FBXL2: variants seen among roughly 807,000 people sequenced by gnomAD.
The protein encoded by FBXL2 is F-box/LRR-repeat protein 2.
In FBXL2, 38 loss-of-function variants were observed where a neutral mutation model predicts 69.2. The observed-to-expected ratio is 0.55, with a 90% CI of 0.42 to 0.72. The LOEUF (loss-of-function observed/expected upper bound fraction) is 0.72. Among genes scored for constraint, FBXL2 ranks in the 30% least tolerant of loss-of-function variants. FBXL2 has a pLI of 0.00. For synonymous variants in FBXL2, 192 were observed against 201.3 expected (o/e 0.95, Z 0.39); for missense variants, 354 against 520.3 (o/e 0.68, Z 3.11).
At chr3:33,366,110 C>A (rs2041937712) in intron 5 of FBXL2, among the ~76,000 whole-genome samples, 1 of 152,122 alleles carries the variant, frequency 6.6e-6, no homozygotes, top group South Asian at 2.1e-4. Context: ...GAAGAAAATT[C>A]TTTAAATCAT....
chr3:33,408,584 G>T, downstream of FBXL2: 1 of 778,642 alleles, frequency 1.3e-6, no homozygotes, highest in Non-Finnish European at 2.0e-6. Context: ...ATCAAGACAT[G>T]GACATCAAAA....
intron 1 of FBXL2, among the ~76,000 whole-genome samples, chr3:33,291,920 T>C (rs970748645): frequency 2.0e-5 from 3 of 152,222 alleles, no homozygotes; most frequent in Non-Finnish European, 2.9e-5. Flanking sequence ...AACTATGTGC[T>C]GTCTTTATGA....
chr3:33,392,776 G>A (rs1428743065), downstream of FBXL2: 9 of 632,470 alleles, frequency 1.4e-5, no homozygotes, highest in Non-Finnish European at 2.1e-5. Flanking sequence ...CACACGTGCT[G>A]CACTGCCTTG....
chr3:33,285,570 G>C (rs1376140608), intron 1 of FBXL2, among the ~76,000 whole-genome samples: 1 of 152,114 alleles, frequency 6.6e-6, no homozygotes, highest in Non-Finnish European at 1.5e-5. Context: ...TGTATTTCCT[G>C]AATTTGAATG....
the FBXL2 span, among the ~76,000 whole-genome samples, chr3:33,417,479 AT>A: frequency 1.3e-5 from 2 of 152,216 alleles, no homozygotes; most frequent in African/African-American, 4.8e-5. Context: ...TTATTGCCAA[AT>A]AATATTCATT....
chr3:33,384,223 C>A, intron 14 of FBXL2, 22 bp downstream of exon 14: 1 of 1,605,450 alleles, frequency 6.2e-7, no homozygotes, highest in South Asian at 1.1e-5. Flanking sequence ...GCAGGGGAGT[C>A]AGTCACACCT....
chr3:33,280,730 A>AG (rs1168787733), intron 1 of FBXL2, among the ~76,000 whole-genome samples: 6 of 151,526 alleles, frequency 4.0e-5, no homozygotes, highest in South Asian at 2.1e-4. Context: ...AAAAAAAAAA[A>AG]AAAGAAAAGA....
At chr3:33,358,715 G>C (rs1313010605) in intron 2 of FBXL2, among the ~76,000 whole-genome samples, 2 of 152,166 alleles carry the variant, frequency 1.3e-5, no homozygotes, top group Non-Finnish European at 2.9e-5. Flanking sequence ...CCATTACTTA[G>C]AACAAGGGAA....
intron 13 of FBXL2, chr3:33,382,925 T>C (rs900759492): frequency 2.6e-5 from 4 of 152,250 alleles, no homozygotes; most frequent in African/African-American, 9.7e-5. Context: ...CCACCTATTA[T>C]ATGTTGACCT....
At chr3:33,327,088 T>C (rs1426694641) in intron 2 of FBXL2, among the ~76,000 whole-genome samples, 2 of 152,214 alleles carry the variant, frequency 1.3e-5, no homozygotes, top group East Asian at 3.8e-4. Flanking sequence ...ATGTGTACCA[T>C]ATATTCTGTC....
the FBXL2 span, among the ~76,000 whole-genome samples, chr3:33,413,627 T>C: frequency 6.6e-6 from 1 of 151,442 alleles, no homozygotes; most frequent in African/African-American, 2.4e-5. Context: ...GCCCGCTGCC[T>C]TGAAAAAGTG....
At chr3:33,282,543 T>G (rs1204739176) in intron 1 of FBXL2, among the ~76,000 whole-genome samples, 7 of 152,270 alleles carry the variant, frequency 4.6e-5, no homozygotes, top group Non-Finnish European at 7.3e-5. Context: ...CTTTTTTGGT[T>G]CCATATAAAC....
At chr3:33,280,682 C>A (rs1186313344) in intron 1 of FBXL2, among the ~76,000 whole-genome samples, 1 of 141,442 alleles carries the variant, frequency 7.1e-6, no homozygotes, top group Non-Finnish European at 1.5e-5. Flanking sequence ...CACTGCCCTC[C>A]AGTCTGGGCA....
chr3:33,314,896 T>A (rs1354797003), intron 2 of FBXL2, among the ~76,000 whole-genome samples: 1 of 152,196 alleles, frequency 6.6e-6, no homozygotes, highest in African/African-American at 2.4e-5. Context: ...CATTAATTTT[T>A]AAAAAATGTC....
intron 12 of FBXL2, chr3:33,393,565 G>A: frequency 9.9e-7 from 1 of 1,007,872 alleles, no homozygotes; most frequent in Non-Finnish European, 1.3e-6. Flanking sequence ...TACCAAAAAA[G>A]TAAAAAAACA....
At chr3:33,357,527 G>C (rs910233570) in intron 2 of FBXL2, among the ~76,000 whole-genome samples, 6 of 127,040 alleles carry the variant, frequency 4.7e-5, no homozygotes, top group African/African-American at 1.2e-4. Flanking sequence ...AAGATCCACT[G>C]AGTCTTTTTT....
intron 2 of FBXL2, among the ~76,000 whole-genome samples, chr3:33,326,740 C>G (rs2038729698): frequency 6.6e-6 from 1 of 152,154 alleles, no homozygotes; most frequent in South Asian, 2.1e-4. Context: ...CATATCCAAA[C>G]TTCAAAGACT....
intron 2 of FBXL2, chr3:33,317,475 A>G: frequency 2.2e-6 from 1 of 456,636 alleles, no homozygotes; most frequent in Non-Finnish European, 4.4e-6. Context: ...CCCCATATTC[A>G]GGAGCAGGGA....
the FBXL2 span, chr3:33,416,802 G>C: frequency 6.2e-7 from 1 of 1,613,408 alleles, no homozygotes; most frequent in Non-Finnish European, 8.5e-7. Flanking sequence ...CCCATTTTCC[G>C]ATTATCCAGC....
Sources: gnomAD v4.1 joint callset for allele counts (sites outside exome capture counted in the v4.1 genomes callset) on GRCh38, gnomAD v4.1.1 for gene constraint, MANE v1.5 for transcripts, NCBI Gene and HGNC (gene_info 2026-07-23, HGNC 2026-07-21) for gene names.